The following WARS2 variants were observed in gnomAD, a reference collection of about 807,000 sequenced individuals.
WARS2 encodes tryptophanyl tRNA synthetase 2, mitochondrial.
In WARS2, 28 loss-of-function variants were observed where a neutral mutation model predicts 36.5. The observed-to-expected ratio is 0.77, with a 90% CI of 0.57 to 1.05. WARS2 has a LOEUF of 1.05. WARS2 is among the 50% of genes least tolerant of loss of function. WARS2 has a pLI of 0.00. For missense variants in WARS2, 435 were observed against 456.8 expected, an observed-to-expected ratio of 0.95 and a Z score of 0.44; for synonymous variants, 174 against 178.4, an observed-to-expected ratio of 0.98 and a Z score of 0.20.
At chr1:119,140,362 T>G in intron 1 of WARS2, 193 bp downstream of exon 1, 1 of 441,862 alleles carries the variant, frequency 2.3e-6, no homozygotes, top group Non-Finnish European at 3.9e-6. Flanking sequence ...CCAAGAAACC[T>G]TTACGTCATC....
chr1:119,106,059 T>TA (rs748710349), intron 1 of WARS2, among the ~76,000 whole-genome samples: 1 of 152,150 alleles, frequency 6.6e-6, no homozygotes, highest in African/African-American at 2.4e-5. Context: ...AGGTAGGAAA[T>TA]AGGTAGAAGG....
chr1:119,088,757 C>G (rs1652846894), intron 1 of WARS2, among the ~76,000 whole-genome samples: 1 of 152,146 alleles, frequency 6.6e-6, no homozygotes, highest in Non-Finnish European at 1.5e-5. Context: ...CTCTATGGCT[C>G]AGGGATTCAG....
intron 1 of WARS2, among the ~76,000 whole-genome samples, chr1:119,129,031 A>G (rs1317195065): frequency 6.6e-6 from 1 of 152,212 alleles, no homozygotes; most frequent in African/African-American, 2.4e-5. Flanking sequence ...CTGAAATTTC[A>G]AAGACACTTT....
intron 1 of WARS2, among the ~76,000 whole-genome samples, chr1:119,131,017 T>C (rs1228561468): frequency 6.6e-6 from 1 of 152,202 alleles, no homozygotes; most frequent in Non-Finnish European, 1.5e-5. Context: ...AAAAAGAGCA[T>C]GCTCTTCCAT....
intron 2 of WARS2, among the ~76,000 whole-genome samples, chr1:119,059,983 G>C (rs1046092570): frequency 6.6e-6 from 1 of 152,102 alleles, no homozygotes; most frequent in African/African-American, 2.4e-5. Flanking sequence ...ATAACTAATG[G>C]ATACTAGACT....
chr1:119,110,674 G>T (rs1439502414), intron 1 of WARS2, among the ~76,000 whole-genome samples: 1 of 151,716 alleles, frequency 6.6e-6, no homozygotes, highest in East Asian at 1.9e-4. Context: ...CTGGATCTGT[G>T]TTTGCTGTCT....
At chr1:119,099,864 G>T (rs1363511104) in intron 1 of WARS2, among the ~76,000 whole-genome samples, 2 of 152,210 alleles carry the variant, frequency 1.3e-5, no homozygotes, top group East Asian at 3.9e-4. Flanking sequence ...AGAAAACCCA[G>T]GAAAAGCTCT....
intron 1 of WARS2, among the ~76,000 whole-genome samples, chr1:119,135,761 G>GAGAGAT (rs71920387): frequency 0.23 from 19,709 of 85,992 alleles, 1,486 homozygotes; most frequent in East Asian, 0.48. Context: ...TAGAGAGATA[G>GAGAGAT]AGAGAGAGAG....
chr1:119,088,803 A>G (rs1258475568), intron 1 of WARS2, among the ~76,000 whole-genome samples: 1 of 152,208 alleles, frequency 6.6e-6, no homozygotes, highest in African/African-American at 2.4e-5. Context: ...CAAGGAAGTA[A>G]CACCACTGAG....
At chr1:119,126,761 G>T (rs1655687043) in intron 1 of WARS2, 2 of 737,564 alleles carry the variant, frequency 2.7e-6, no homozygotes. Flanking sequence ...TTCCAATACT[G>T]TCTGGAATCA....
chr1:119,126,267 GAAA>G (rs55996448), intron 1 of WARS2, among the ~76,000 whole-genome samples: 2 of 137,004 alleles, frequency 1.5e-5, no homozygotes, highest in Admixed American at 7.3e-5. Context: ...GAGCAGTTTT[GAAA>G]AAAAAAAAAA....
intron 2 of WARS2, among the ~76,000 whole-genome samples, chr1:119,046,995 T>A (rs145354448): frequency 3.2e-4 from 48 of 152,334 alleles, no homozygotes; most frequent in Middle Eastern, 3.4e-3. Flanking sequence ...GAGTTGTTTT[T>A]CACGTGTTTG....
rs1647468072 is a variant in WARS2 at position 119,032,014 on chromosome 1, A to C, written c.*897T>G. The C allele has an allele frequency of 6.5e-6, 1 of 153,570 alleles. No individual in the cohort carries two copies. Among genetic ancestry groups the C allele is most frequent in the Non-Finnish European group, 1.4e-5 (1 of 69,204 alleles). 9.5% of individuals were successfully genotyped at this position (153,570 alleles called of 1,614,324 possible). On this transcript the variant is annotated 3_prime_UTR_variant, in exon 6 of 6. Coordinates refer to ENST00000235521, the MANE Select transcript of WARS2 (RefSeq NM_015836.4). ...TAGAGTCTAAAAAACGCTGCCTTTC[A>C]GCATTTTTTTTGTACTGAATAAACA...
intron 2 of WARS2, among the ~76,000 whole-genome samples, chr1:119,047,934 C>A (rs536162613): frequency 6.6e-6 from 1 of 152,330 alleles, no homozygotes; most frequent in East Asian, 1.9e-4. Context: ...TCTTCAGTTG[C>A]AGCAGTTTTG....
intron 1 of WARS2, among the ~76,000 whole-genome samples, chr1:119,079,049 T>C (rs932468818): frequency 1.7e-4 from 26 of 152,134 alleles, no homozygotes; most frequent in Admixed American, 1.6e-3. Context: ...ATCTGGAGTT[T>C]TTTTGCATAT....
chr1:119,116,093 G>A (rs1186017001), intron 1 of WARS2, among the ~76,000 whole-genome samples: 1 of 152,152 alleles, frequency 6.6e-6, no homozygotes, highest in Non-Finnish European at 1.5e-5. Flanking sequence ...ATGATATAAA[G>A]TCTGCTTCAC....
chr1:119,082,424 C>A (rs1571332309), intron 1 of WARS2: 1 of 985,352 alleles, frequency 1.0e-6, no homozygotes, highest in Non-Finnish European at 1.2e-6. Flanking sequence ...CATGCCCTGG[C>A]CCTTTCATGT....
chr1:119,124,975 T>A (rs1655554827), intron 1 of WARS2, among the ~76,000 whole-genome samples: 1 of 152,212 alleles, frequency 6.6e-6, no homozygotes, highest in African/African-American at 2.4e-5. Flanking sequence ...GTGTGACAAG[T>A]TACTTAACAT....
chr1:119,057,290 T>C (rs1417276467), intron 2 of WARS2, among the ~76,000 whole-genome samples: 1 of 151,834 alleles, frequency 6.6e-6, no homozygotes, highest in African/African-American at 2.4e-5. Context: ...GGACTACAAG[T>C]GCACACCACC....
Sources: allele counts gnomAD v4.1 joint callset (sites outside exome capture counted in the v4.1 genomes callset), GRCh38; gene constraint gnomAD v4.1.1; transcripts MANE v1.5; gene names NCBI Gene and HGNC (gene_info 2026-07-23, HGNC 2026-07-21).